The following ADARB2 variants were observed in gnomAD, a reference collection of about 807,000 sequenced individuals.
ADARB2 encodes the protein adenosine deaminase RNA specific B2 (inactive).
Under a neutral mutation model 62.2 loss-of-function variants are expected in ADARB2, and 25 were observed. The ratio of observed to expected loss-of-function variants is 0.40; its 90% CI spans 0.29 to 0.56. The LOEUF (loss-of-function observed/expected upper bound fraction) is 0.56. ADARB2 is among the 20% of genes least tolerant of loss of function. ADARB2 has a pLI of 0.43. For synonymous variants in ADARB2, 572 were observed against 500.8 expected (o/e 1.14, Z -1.90); for missense variants, 1,071 against 1,077.4 (o/e 0.99, Z 0.08).
chr10:1,488,759 A>C (rs1446336043), intron 1 of ADARB2, among the ~76,000 whole-genome samples: 1 of 152,172 alleles, frequency 6.6e-6, no homozygotes, highest in Non-Finnish European at 1.5e-5. Context: ...GTCTGAGAAG[A>C]GCAATGCTCC....
chr10:1,411,806 C>G (rs1014033674), intron 1 of ADARB2, among the ~76,000 whole-genome samples: 1 of 152,244 alleles, frequency 6.6e-6, no homozygotes, highest in Non-Finnish European at 1.5e-5. Flanking sequence ...AAGTGCCCCT[C>G]AGCGCTTGAT....
chr10:1,737,281 A>G lies in ADARB2; in HGVS notation c.-131T>C. 1 of 846,698 alleles carries G rather than the reference A, an allele frequency of 1.2e-6. No homozygotes were observed. 52.4% of individuals were successfully genotyped at this position (846,698 alleles called of 1,614,324 possible). On this transcript the variant is annotated 5_prime_UTR_variant, in exon 1 of 10. Coordinates refer to ENST00000381312, the MANE Select transcript of ADARB2 (RefSeq NM_018702.4). ...ACCCGGGAGCGGCTCACTTTTCAGG[A>G]CTGAGCAGGAAAGCGCGCTCCGTCT...
chr10:1,248,662 A>G (rs1188583910), intron 4 of ADARB2, among the ~76,000 whole-genome samples: 1 of 152,258 alleles, frequency 6.6e-6, no homozygotes, highest in Non-Finnish European at 1.5e-5. Flanking sequence ...TGTTAAGCCA[A>G]TAAAATGCAA....
At chr10:1,628,592 C>T (rs1166413052) in intron 1 of ADARB2, among the ~76,000 whole-genome samples, 1 of 152,208 alleles carries the variant, frequency 6.6e-6, no homozygotes, top group Admixed American at 6.5e-5. Context: ...AGAGACTCAG[C>T]TGTCTAGGGT....
chr10:1,306,307 C>T (rs1169857680), intron 3 of ADARB2, among the ~76,000 whole-genome samples: 3 of 151,934 alleles, frequency 2.0e-5, no homozygotes, highest in African/African-American at 4.8e-5. Flanking sequence ...CTCCCATTCA[C>T]AATTGCTTCA....
At chr10:1,264,965 C>G (rs989978189) in intron 4 of ADARB2, among the ~76,000 whole-genome samples, 1 of 152,178 alleles carries the variant, frequency 6.6e-6, no homozygotes, top group Non-Finnish European at 1.5e-5. Flanking sequence ...ACATGACCCC[C>G]TAATGTACTC....
chr10:1,736,027 C>T (rs1404926393), intron 1 of ADARB2, among the ~76,000 whole-genome samples: 2 of 152,196 alleles, frequency 1.3e-5, no homozygotes, highest in East Asian at 3.8e-4. Flanking sequence ...AAACAACTGG[C>T]AAAGCTGATC....
At chr10:1,558,169 G>A (rs1394094488) in intron 1 of ADARB2, among the ~76,000 whole-genome samples, 1 of 151,964 alleles carries the variant, frequency 6.6e-6, no homozygotes, top group Non-Finnish European at 1.5e-5. Context: ...CTGTGCCTGG[G>A]CACCGTCTCC....
At chr10:1,573,693 T>A (rs938657482) in intron 1 of ADARB2, among the ~76,000 whole-genome samples, 6 of 152,164 alleles carry the variant, frequency 3.9e-5, no homozygotes, top group African/African-American at 1.4e-4. Flanking sequence ...ATGCTGGGGT[T>A]CTCGTTATGA....
chr10:1,317,503 A>G (rs541107749), intron 3 of ADARB2, among the ~76,000 whole-genome samples: 1 of 152,312 alleles, frequency 6.6e-6, no homozygotes, highest in East Asian at 1.9e-4. Context: ...AGTGAACATG[A>G]TTTAGTTTTG....
At chr10:1,676,329 G>T (rs1402348240) in intron 1 of ADARB2, among the ~76,000 whole-genome samples, 3 of 152,086 alleles carry the variant, frequency 2.0e-5, no homozygotes, top group Non-Finnish European at 2.9e-5. Context: ...CTGAGTGAAT[G>T]GTCAAGGCTT....
chr10:1,651,126 A>G (rs1164724175), intron 1 of ADARB2, among the ~76,000 whole-genome samples: 2 of 152,198 alleles, frequency 1.3e-5, no homozygotes, highest in Non-Finnish European at 2.9e-5. Flanking sequence ...GTCACTGGCC[A>G]CAGAATGACA....
intron 3 of ADARB2, among the ~76,000 whole-genome samples, chr10:1,355,334 C>T (rs956690130): frequency 9.2e-5 from 14 of 152,190 alleles, no homozygotes; most frequent in Non-Finnish European, 1.9e-4. Flanking sequence ...GAGGATGAGC[C>T]CCAGCCCCAC....
intron 1 of ADARB2, among the ~76,000 whole-genome samples, chr10:1,382,578 GTATATTCTGTTAGTTCA>G (rs1832492544): frequency 6.6e-6 from 1 of 152,130 alleles, no homozygotes; most frequent in African/African-American, 2.4e-5. Flanking sequence ...GGGATCTGAT[GTATATTCTGTTAGTTCA>G]ATACGAGTGG....
chr10:1,338,742 G>C (rs1008317887), intron 3 of ADARB2, among the ~76,000 whole-genome samples: 5 of 152,200 alleles, frequency 3.3e-5, no homozygotes, highest in African/African-American at 1.2e-4. Flanking sequence ...TAGAGAGGTG[G>C]AGGAAGGATT....
At chr10:1,231,658 C>G (rs965951215) in intron 6 of ADARB2, among the ~76,000 whole-genome samples, 1 of 152,148 alleles carries the variant, frequency 6.6e-6, no homozygotes, top group African/African-American at 2.4e-5. Context: ...TTCTTCATTC[C>G]CAGTTTGACG....
intron 1 of ADARB2, among the ~76,000 whole-genome samples, chr10:1,506,602 C>T (rs565206285): frequency 4.4e-4 from 67 of 152,338 alleles, no homozygotes; most frequent in East Asian, 5.8e-4. Flanking sequence ...GGCGTCCTGC[C>T]GACCCACTGT....
At chr10:1,455,095 G>A (rs990777631) in intron 1 of ADARB2, among the ~76,000 whole-genome samples, 4 of 152,128 alleles carry the variant, frequency 2.6e-5, no homozygotes, top group East Asian at 1.9e-4. Flanking sequence ...ACTGAACAAC[G>A]TGATTTTCCC....
At chr10:1,252,957 A>G (rs1164616570) in intron 4 of ADARB2, among the ~76,000 whole-genome samples, 1 of 152,176 alleles carries the variant, frequency 6.6e-6, no homozygotes, top group Non-Finnish European at 1.5e-5. Context: ...TTATGTGTAA[A>G]TGTTTTGTGC....
Sources: gnomAD v4.1 joint callset for allele counts (sites outside exome capture counted in the v4.1 genomes callset) on GRCh38, gnomAD v4.1.1 for gene constraint, MANE v1.5 for transcripts, NCBI Gene and HGNC (gene_info 2026-07-23, HGNC 2026-07-21) for gene names.